RP1: variants seen among roughly 807,000 people sequenced by gnomAD.
RP1 encodes oxygen-regulated protein 1.
A neutral mutation model predicts 14.8 loss-of-function variants in RP1; 16 were observed. That is an observed-to-expected ratio of 1.08 (90% CI 0.73 to 1.65). The LOEUF is 1.65. RP1 is among the 40% of genes most tolerant of loss of function. The probability of loss-of-function intolerance (pLI) is 0.00; values close to 1 mark genes in which losing one functional copy is unlikely to be tolerated. For missense variants in RP1, 2,631 were observed against 2,535.0 expected (o/e 1.04, Z -0.81); for synonymous variants, 876 against 883.6 (o/e 0.99, Z 0.15).
chr8:54,639,226 T>C (rs1055910076), intron 3 of RP1, among the ~76,000 whole-genome samples: 3 of 152,200 alleles, frequency 2.0e-5, no homozygotes, highest in Admixed American at 6.5e-5. Context: ...CAAAATGATT[T>C]TGAGATTCAT....
chr8:54,596,329 C>G (rs1177707878), intron 1 of RP1, among the ~76,000 whole-genome samples: 1 of 152,178 alleles, frequency 6.6e-6, no homozygotes, highest in Non-Finnish European at 1.5e-5. Flanking sequence ...ACCTATATCA[C>G]AACTGTAAAT....
intron 24 of RP1, among the ~76,000 whole-genome samples, chr8:54,825,191 C>T (rs1459554205): frequency 6.6e-6 from 1 of 152,082 alleles, no homozygotes; most frequent in Non-Finnish European, 1.5e-5. Flanking sequence ...GATCTCCCGA[C>T]CTCGTGATCC....
At chr8:54,572,397 A>G (rs1236778472) in intron 1 of RP1, among the ~76,000 whole-genome samples, 2 of 152,224 alleles carry the variant, frequency 1.3e-5, no homozygotes, top group Admixed American at 1.3e-4. Flanking sequence ...AAATCACCCA[A>G]CCTATGAAAT....
intron 24 of RP1, among the ~76,000 whole-genome samples, chr8:54,793,819 C>G (rs1382495564): frequency 6.6e-6 from 1 of 151,728 alleles, no homozygotes; most frequent in Non-Finnish European, 1.5e-5. Flanking sequence ...ACTGGAAGTG[C>G]TAGTTAGAAT....
intron 24 of RP1, among the ~76,000 whole-genome samples, chr8:54,817,503 G>A (rs1326143284): frequency 1.3e-5 from 2 of 152,184 alleles, no homozygotes; most frequent in Non-Finnish European, 2.9e-5. Context: ...CTGTCTAGAA[G>A]GCAGAGAGTG....
intron 15 of RP1, among the ~76,000 whole-genome samples, chr8:54,708,561 G>A (rs751535120): frequency 2.6e-4 from 40 of 151,844 alleles, no homozygotes; most frequent in Non-Finnish European, 4.3e-4. Context: ...GTGTTTCACC[G>A]TGTTAGCCAG....
chr8:54,719,054 C>T (rs535684949), intron 15 of RP1, among the ~76,000 whole-genome samples: 4 of 152,282 alleles, frequency 2.6e-5, no homozygotes, highest in Non-Finnish European at 5.9e-5. Context: ...AAGGCCCAAA[C>T]TTCCTATGCT....
intron 15 of RP1, chr8:54,706,777 A>G (rs1808161271): frequency 1.0e-6 from 1 of 960,262 alleles, no homozygotes; most frequent in Non-Finnish European, 1.6e-6. Flanking sequence ...GTCTCCCTTG[A>G]CTGGTATTTT....
chr8:54,789,890 A>G (rs1036952466), intron 24 of RP1, among the ~76,000 whole-genome samples: 1 of 152,146 alleles, frequency 6.6e-6, no homozygotes, highest in African/African-American at 2.4e-5. Flanking sequence ...ACCCTACCCA[A>G]TTGCAGAGCC....
chr8:54,687,508 T>C (rs1422992130), intron 12 of RP1, among the ~76,000 whole-genome samples: 1 of 152,072 alleles, frequency 6.6e-6, no homozygotes, highest in Non-Finnish European at 1.5e-5. Context: ...CCCCTCCCTA[T>C]GTCCATGTGT....
intron 19 of RP1, chr8:54,754,661 A>G (rs2129366794): frequency 1.3e-6 from 1 of 776,804 alleles, no homozygotes; most frequent in South Asian, 4.8e-5. Context: ...ACCTACGACT[A>G]CTACTACTAA....
intron 6 of RP1, among the ~76,000 whole-genome samples, chr8:54,659,284 A>G (rs1171903947): frequency 3.3e-5 from 5 of 152,166 alleles, no homozygotes; most frequent in Non-Finnish European, 7.4e-5. Flanking sequence ...TGTCATATTC[A>G]AGAAATAACT....
intron 24 of RP1, among the ~76,000 whole-genome samples, chr8:54,786,494 A>G (rs1386978444): frequency 6.6e-6 from 1 of 152,018 alleles, no homozygotes; most frequent in African/African-American, 2.4e-5. Flanking sequence ...CAAGGTTGCC[A>G]GTTTTCAAGA....
In RP1 at chr8:54,630,124, C is replaced by A. The variant is rs753731813; in HGVS notation, c.6242C>A (p.Thr2081Lys). The A allele has an allele frequency of 1.9e-6, 3 of 1,613,668 alleles. No homozygotes were observed. In the Admixed American group the frequency reaches 5.0e-5, roughly 27 times the overall value. ...LLNNRFQGSR[T>K]NLNQVVRENI... is the part of the protein sequence containing the mutation. ...AATAACAGATTCCAGGGCTCAAGAA[C>A]AAATCTCAACCAAGTAGTAAGAGAA... Residue 2081 changes from threonine (T) to lysine (K), a missense_variant, in exon 4 of 4, where the codon ACA (threonine) becomes AAA (lysine). Physicochemically the swap from Thr to Lys is moderately conservative, Grantham distance 78. Transcript: ENST00000220676.
At chr8:54,699,121 A>G (rs1368090703) in intron 12 of RP1, among the ~76,000 whole-genome samples, 1 of 150,690 alleles carries the variant, frequency 6.6e-6, no homozygotes, top group Non-Finnish European at 1.5e-5. Flanking sequence ...TATATTTAAT[A>G]TATTTGATAT....
At chr8:54,795,053 C>T (rs1347349648) in intron 24 of RP1, among the ~76,000 whole-genome samples, 1 of 151,940 alleles carries the variant, frequency 6.6e-6, no homozygotes, top group Admixed American at 6.6e-5. Flanking sequence ...CCACATCTAA[C>T]CTGTTAGTAT....
chr8:54,818,122 A>C (rs1173103559), intron 24 of RP1, among the ~76,000 whole-genome samples: 1 of 152,260 alleles, frequency 6.6e-6, no homozygotes, highest in Non-Finnish European at 1.5e-5. Context: ...ACAACTGCTT[A>C]GGTGATTTTT....
intron 27 of RP1, among the ~76,000 whole-genome samples, chr8:54,862,747 G>T (rs981795293): frequency 1.3e-5 from 2 of 152,054 alleles, no homozygotes; most frequent in Admixed American, 1.3e-4. Context: ...GAGCATGGAA[G>T]ATGGCAGCTG....
At chr8:54,669,758 T>C (rs1464685956) in intron 7 of RP1, among the ~76,000 whole-genome samples, 2 of 152,040 alleles carry the variant, frequency 1.3e-5, no homozygotes, top group African/African-American at 4.8e-5. Context: ...ACCATCATTC[T>C]GAGCAAACTA....
Sources: allele counts gnomAD v4.1 joint callset (sites outside exome capture counted in the v4.1 genomes callset), GRCh38; gene constraint gnomAD v4.1.1; transcripts MANE v1.5; gene names NCBI Gene and HGNC (gene_info 2026-07-23, HGNC 2026-07-21).